NRXN3: variants seen among roughly 807,000 people sequenced by gnomAD.
NRXN3 encodes the protein neurexin III.
In NRXN3, 32 loss-of-function variants were observed where a neutral mutation model predicts 137.6. The observed-to-expected ratio is 0.23, with a 90% CI of 0.18 to 0.31. NRXN3 has a LOEUF of 0.31. NRXN3 is among the 10% of genes least tolerant of loss of function. The pLI, the probability that NRXN3 is intolerant of heterozygous loss-of-function variation, is 1.00. For missense variants in NRXN3, 1,574 were observed against 2,062.5 expected, an observed-to-expected ratio of 0.76 and a Z score of 4.59; for synonymous variants, 798 against 784.5, an observed-to-expected ratio of 1.02 and a Z score of -0.29.
At chr14:79,590,776 G>A (rs1002689428) in intron 16 of NRXN3, among the ~76,000 whole-genome samples, 4 of 152,200 alleles carry the variant, frequency 2.6e-5, no homozygotes, top group African/African-American at 4.8e-5. Context: ...CAGAGGTGGC[G>A]TTGATGGACT....
intron 16 of NRXN3, among the ~76,000 whole-genome samples, chr14:79,467,963 G>A (rs1050818487): frequency 3.3e-5 from 5 of 152,198 alleles, no homozygotes; most frequent in Non-Finnish European, 5.9e-5. Flanking sequence ...GCTGCAGGCC[G>A]TAATTTAGTG....
At chr14:79,403,724 A>T (rs955735885) in intron 15 of NRXN3, among the ~76,000 whole-genome samples, 4 of 152,086 alleles carry the variant, frequency 2.6e-5, no homozygotes, top group African/African-American at 9.7e-5. Flanking sequence ...TGACCCTTGC[A>T]TGTGAGTGAT....
chr14:78,448,101 C>T (rs1202963726), intron 4 of NRXN3, among the ~76,000 whole-genome samples: 1 of 152,100 alleles, frequency 6.6e-6, no homozygotes, highest in African/African-American at 2.4e-5. Flanking sequence ...CTTCTTTGAC[C>T]TCCCCAACCA....
intron 4 of NRXN3, among the ~76,000 whole-genome samples, chr14:78,441,000 C>T (rs2094225682): frequency 1.3e-5 from 2 of 152,168 alleles, no homozygotes; most frequent in African/African-American, 4.8e-5. Context: ...CTGCGGCACT[C>T]CATCCTTGGC....
chr14:78,906,272 T>A (rs757556332), intron 10 of NRXN3, among the ~76,000 whole-genome samples: 2 of 152,064 alleles, frequency 1.3e-5, no homozygotes, highest in Non-Finnish European at 2.9e-5. Flanking sequence ...CCAGTTTTAT[T>A]TTCCAGAATT....
chr14:78,719,670 C>T (rs975805968), intron 8 of NRXN3, among the ~76,000 whole-genome samples: 2 of 151,980 alleles, frequency 1.3e-5, no homozygotes, highest in African/African-American at 4.8e-5. Flanking sequence ...GGCAAAACCC[C>T]GTCTCTACTA....
rs1491176672 is a variant in NRXN3 at position 78,888,871 on chromosome 14, A to ACACACACACACACACACC, written c.2276-68370_2276-68369insACACACACACACACACCC. ...CATACACACACACACACACACACAC[A>ACACACACACACACACACC]CCCCAGATTTGGCATGAGAAGAACA... is the stretch of plus-strand genomic sequence containing the variant. On this transcript the variant is annotated intron_variant, in intron 10 of 20. Transcript: ENST00000335750. 7.9e-4 allele frequency among the ~76,000 whole-genome samples: 116 copies of ACACACACACACACACACC among 146,310 alleles called. 1 individual carries two copies. Among genetic ancestry groups the ACACACACACACACACACC allele is most frequent in the African/African-American group, 2.9e-3 (111 of 38,560 alleles).
chr14:78,657,681 A>T (rs148383768), intron 6 of NRXN3, among the ~76,000 whole-genome samples: 317 of 152,348 alleles, frequency 2.1e-3, no homozygotes, highest in African/African-American at 7.5e-3. Context: ...TTAATGGCTT[A>T]ATCTGTAATA....
rs930046632 is a variant in NRXN3 at position 79,733,802 on chromosome 14, G to T, written c.4014+35865G>T. 5.9e-5 allele frequency among the ~76,000 whole-genome samples: 9 copies of T among 152,128 alleles called. No homozygotes were observed. In the East Asian group the frequency reaches 1.2e-3, roughly 20 times the overall value. ...CAATATGCAAGAGGGTAGAAAAAAT[G>T]AGAGTGTCTAAATTTATCTTATTTT... On this transcript the variant is annotated intron_variant, in intron 19 of 20. Coordinates refer to ENST00000335750, the MANE Select transcript of NRXN3 (RefSeq NM_001330195.2).
At chr14:78,575,645 C>G (rs898520954) in intron 4 of NRXN3, among the ~76,000 whole-genome samples, 1 of 151,970 alleles carries the variant, frequency 6.6e-6, no homozygotes, top group Non-Finnish European at 1.5e-5. Flanking sequence ...ATTCTAATGG[C>G]GAGTCATAAG....
intron 16 of NRXN3, among the ~76,000 whole-genome samples, chr14:79,471,838 T>C (rs2096512794): frequency 6.6e-6 from 1 of 152,162 alleles, no homozygotes; most frequent in African/African-American, 2.4e-5. Flanking sequence ...TCTTCTTTTA[T>C]GTATGTATTT....
In NRXN3 at chr14:78,681,288, G is replaced by T. The variant is rs17835534; in HGVS notation, c.1222-27929G>T. Among the ~76,000 whole-genome samples, 1,158 of 152,208 alleles carry T rather than the reference G, an allele frequency of 7.6e-3. 16 individuals are homozygous for T. The highest frequency in any genetic ancestry group is 0.027 in the African/African-American group (1,112 of 41,542). On this transcript the variant is annotated intron_variant, in intron 6 of 20. Transcript: ENST00000335750. Reference sequence around the variant, plus strand: ...GCAAGGCCACATCTTCTTCTGGAGCGGGAGTTAGAATCCACGTGCAGATGT... The same window carrying T: ...GCAAGGCCACATCTTCTTCTGGAGCTGGAGTTAGAATCCACGTGCAGATGT...
intron 16 of NRXN3, among the ~76,000 whole-genome samples, chr14:79,512,591 A>C (rs2096942282): frequency 6.6e-6 from 1 of 152,260 alleles, no homozygotes; most frequent in African/African-American, 2.4e-5. Flanking sequence ...ATTTATTTCA[A>C]ATAGTAACAA....
chr14:78,705,654 G>T (rs1018248706), intron 6 of NRXN3, among the ~76,000 whole-genome samples: 2 of 152,166 alleles, frequency 1.3e-5, no homozygotes, highest in Admixed American at 1.3e-4. Context: ...ACTTGATCTT[G>T]ACAACAGCCC....
chr14:78,472,879 A>G (rs1473576262), intron 4 of NRXN3, among the ~76,000 whole-genome samples: 1 of 151,470 alleles, frequency 6.6e-6, no homozygotes, highest in Non-Finnish European at 1.5e-5. Flanking sequence ...GCAAAGTCTC[A>G]GGTGAAATGG....
At chr14:78,938,942 T>G (rs1251819741) in intron 10 of NRXN3, among the ~76,000 whole-genome samples, 4 of 148,750 alleles carry the variant, frequency 2.7e-5, no homozygotes, top group African/African-American at 1.0e-4. Context: ...CCCCCTGGGG[T>G]TCACGCCATT....
chr14:79,411,637 G>A (rs1189541568), intron 15 of NRXN3, among the ~76,000 whole-genome samples: 1 of 152,098 alleles, frequency 6.6e-6, no homozygotes, highest in Non-Finnish European at 1.5e-5. Context: ...ACAGTAGTTT[G>A]CTCCAAATGA....
chr14:79,466,206 T>C (rs2096420029), intron 15 of NRXN3, among the ~76,000 whole-genome samples: 1 of 152,142 alleles, frequency 6.6e-6, no homozygotes, highest in African/African-American at 2.4e-5. Context: ...ATCTTCTTCC[T>C]AAGATTTAGT....
At chr14:78,507,969 G>C (rs1483920731) in intron 4 of NRXN3, among the ~76,000 whole-genome samples, 2 of 152,186 alleles carry the variant, frequency 1.3e-5, no homozygotes, top group African/African-American at 2.4e-5. Context: ...TTTCACAGCA[G>C]TATCTATAAT....
Sources: allele counts gnomAD v4.1 joint callset (sites outside exome capture counted in the v4.1 genomes callset), GRCh38; gene constraint gnomAD v4.1.1; transcripts MANE v1.5; gene names NCBI Gene and HGNC (gene_info 2026-07-23, HGNC 2026-07-21).